The following ZNF140 variants were observed in gnomAD, a reference collection of about 807,000 sequenced individuals.
The protein encoded by ZNF140 is zinc finger protein 140, also known as zinc finger protein 140 (clone pHZ-39).
Under a neutral mutation model 12.9 loss-of-function variants are expected in ZNF140, and 13 were observed. The ratio of observed to expected loss-of-function variants is 1.01; its 90% confidence interval spans 0.66 to 1.60. The LOEUF is 1.60. Ranked by LOEUF, ZNF140 falls within the 40% of genes most tolerant of loss-of-function variation. ZNF140 has a pLI of 0.00. For missense variants in ZNF140, 531 were observed against 548.8 expected, an observed-to-expected ratio of 0.97 and a Z score of 0.32; for synonymous variants, 214 against 186.7, an observed-to-expected ratio of 1.15 and a Z score of -1.19.
Position 133,106,511 on chromosome 12 carries a change from C to G in ZNF140, c.1234C>G (p.Pro412Ala), listed in dbSNP as rs535199777. Residue 412 changes from proline to alanine, a missense_variant, in exon 5 of 5, where the codon CCC becomes GCC. Pro to Ala is a conservative substitution (Grantham distance 27, BLOSUM62 -1). Coordinates refer to ENST00000355557, the MANE Select transcript of ZNF140 (RefSeq NM_003440.4). ...TCAGAGAACTCATACTGGAGAGAAACCCTATGTATGTAAGGTATGCAACAA... is the reference window on the plus strand; with the variant it reads ...TCAGAGAACTCATACTGGAGAGAAAGCCTATGTATGTAAGGTATGCAACAA... ...LHQRTHTGEK[P>A]YVCKVCNKSF... The G allele has an allele frequency of 1.2e-6, 2 of 1,614,072 alleles. No homozygotes were observed. Among genetic ancestry groups the G allele is most frequent in the East Asian group, 4.5e-5 (2 of 44,884 alleles).
chr12:133,100,944 T>C, intron 4 of ZNF140: 1 of 451,238 alleles, frequency 2.2e-6, no homozygotes, highest in South Asian at 1.6e-5. Flanking sequence ...ACATGAATTA[T>C]TTCTGGAATT....
intron 4 of ZNF140, among the ~76,000 whole-genome samples, chr12:133,099,730 A>C (rs1955267256): frequency 6.6e-6 from 1 of 152,146 alleles, no homozygotes. Flanking sequence ...ATTTCTTCTT[A>C]AATGCTATTC....
At position 133,106,833 on chromosome 12, in the gene ZNF140, T is replaced by C; in HGVS notation, c.*182T>C. On this transcript the variant is annotated 3_prime_UTR_variant, in exon 5 of 5. Coordinates refer to ENST00000355557, the MANE Select transcript of ZNF140 (RefSeq NM_003440.4). ...ACCCAGGAATATGTGGAAAAGCCATTAATAACCACTCTTTTATTTTTTTGC... is the reference window on the plus strand; with the variant it reads ...ACCCAGGAATATGTGGAAAAGCCATCAATAACCACTCTTTTATTTTTTTGC... 2.1e-6 allele frequency: 1 copy of C among 477,926 alleles called. No individual in the cohort carries two copies. The highest frequency in any genetic ancestry group is 3.3e-5 in the East Asian group (1 of 30,080). The allele number at this position is 477,926 out of a possible 1,614,324, so 29.6% of individuals were successfully genotyped here. A position where few individuals can be genotyped will look rare whatever the true frequency, so the allele number is the denominator to read the frequency against.
chr12:133,088,962 C>G (rs1168903080), intron 4 of ZNF140, among the ~76,000 whole-genome samples: 1 of 152,098 alleles, frequency 6.6e-6, no homozygotes, highest in Non-Finnish European at 1.5e-5. Context: ...ATTAAATTTA[C>G]TAGTATTTTG....
At chr12:133,103,949 CATCTTG>C (rs1483782320) in intron 4 of ZNF140, among the ~76,000 whole-genome samples, 1 of 152,168 alleles carries the variant, frequency 6.6e-6, no homozygotes, top group Non-Finnish European at 1.5e-5. Flanking sequence ...ACTGCCTCCC[CATCTTG>C]ATCTTTCATG....
intron 4 of ZNF140, among the ~76,000 whole-genome samples, chr12:133,089,295 C>T (rs1954777428): frequency 6.6e-6 from 1 of 151,980 alleles, no homozygotes. Flanking sequence ...TCACTGCAGC[C>T]TCAACTTCCC....
At chr12:133,096,411 G>A (rs895752942) in intron 4 of ZNF140, among the ~76,000 whole-genome samples, 2 of 152,134 alleles carry the variant, frequency 1.3e-5, no homozygotes, top group Non-Finnish European at 2.9e-5. Context: ...TTTCAAAATG[G>A]AGTCTCTTAT....
At chr12:133,084,214 A>G (rs762918057) in intron 4 of ZNF140, 20 of 412,396 alleles carry the variant, frequency 4.8e-5, no homozygotes, top group Non-Finnish European at 7.9e-5. Flanking sequence ...ATACATTTCT[A>G]TTGCCTGAAT....
intron 4 of ZNF140, among the ~76,000 whole-genome samples, chr12:133,103,013 AC>A (rs954791276): frequency 1.3e-5 from 2 of 152,086 alleles, no homozygotes; most frequent in African/African-American, 4.8e-5. Flanking sequence ...TGTGCAATTA[AC>A]CCCATTTTTT....
At chr12:133,097,925 C>G (rs924079634) in intron 4 of ZNF140, among the ~76,000 whole-genome samples, 12 of 151,944 alleles carry the variant, frequency 7.9e-5, no homozygotes, top group African/African-American at 2.7e-4. Context: ...CGACCTCCCC[C>G]TCCTGGGTTC....
chr12:133,098,864 G>C (rs1955230779), intron 4 of ZNF140, among the ~76,000 whole-genome samples: 1 of 150,236 alleles, frequency 6.7e-6, no homozygotes, highest in Non-Finnish European at 1.5e-5. Context: ...CACCATGCCT[G>C]GCTAATTTTT....
At chr12:133,097,818 C>CGTGTGTGTGTGTGTGTGT (rs1377287336) in intron 4 of ZNF140, among the ~76,000 whole-genome samples, 2,092 of 106,512 alleles carry the variant, frequency 0.02, 38 homozygotes, top group Middle Eastern at 0.031. Flanking sequence ...CACATCTAAC[C>CGTGTGTGTGTGTGTGTGT]ATGTGTGTGT....
At chr12:133,103,455 CAG>C (rs1305784830) in intron 4 of ZNF140, among the ~76,000 whole-genome samples, 4 of 146,710 alleles carry the variant, frequency 2.7e-5, no homozygotes, top group African/African-American at 1.0e-4. Context: ...TGGGTAAAGA[CAG>C]GGGTCTCACT....
chr12:133,101,158 C>CT, intron 4 of ZNF140: 1 of 249,694 alleles, frequency 4.0e-6, no homozygotes, highest in Non-Finnish European at 8.2e-6. Flanking sequence ...CGAGAGGGCA[C>CT]TTACCTTGCT....
At chr12:133,085,080 G>A (rs1033548679) in intron 4 of ZNF140, among the ~76,000 whole-genome samples, 114 of 151,542 alleles carry the variant, frequency 7.5e-4, no homozygotes, top group Middle Eastern at 3.4e-3. Flanking sequence ...GCTGGAGTGC[G>A]ATGGCGCGAT....
Position 133,106,173 on chromosome 12 carries a change from A to C in ZNF140, c.896A>C (p.Lys299Thr), listed in dbSNP as rs1955585900. ...CACCAGATTACACATACTGGAGAGA[A>C]ACCTTATGAATGCATTGAATGTGGG... ...IRHQITHTGEKPYECIECGKA... is the reference protein window; with the variant it reads ...IRHQITHTGETPYECIECGKA... Residue 299 changes from lysine (K) to threonine (T), a missense_variant, in exon 5 of 5, where the codon AAA becomes ACA. By Grantham distance (78) the Lys-to-Thr change is moderately conservative (BLOSUM62 -1). Transcript: ENST00000355557. The C allele has an allele frequency of 6.2e-7, 1 of 1,614,214 alleles. No homozygotes were observed. Among genetic ancestry groups the C allele is most frequent in the Non-Finnish European group, 8.5e-7 (1 of 1,180,028 alleles).
intron 4 of ZNF140, among the ~76,000 whole-genome samples, chr12:133,097,605 T>C (rs1184529834): frequency 1.3e-5 from 2 of 149,994 alleles, no homozygotes; most frequent in Non-Finnish European, 3.0e-5. Flanking sequence ...ATCACACCAC[T>C]GCACTCCAGC....
intron 2 of ZNF140, chr12:133,081,921 C>T (rs1356919855): frequency 1.2e-5 from 2 of 160,200 alleles, no homozygotes; most frequent in East Asian, 1.9e-4. Context: ...CTACCCCAGA[C>T]CTTCTGAATC....
At position 133,106,039 on chromosome 12, in the gene ZNF140, T is replaced by C. The variant is rs962773092; in HGVS notation, c.762T>C (p.Phe254=). 11 of 1,614,016 alleles carry C rather than the reference T, an allele frequency of 6.8e-6. No individual in the cohort carries two copies. Among genetic ancestry groups the C allele is most frequent in the African/African-American group, 5.3e-5 (4 of 74,904 alleles). The change falls in exon 5 of 5, where the codon TTT becomes TTC. Residue 254 remains phenylalanine, a synonymous_variant. Transcript: ENST00000355557. ...PYECTECGKA[F]SRASNLTRHQ... is the part of the protein sequence containing the mutation. ...AATGTACTGAGTGTGGAAAGGCCTT[T>C]AGCCGTGCCTCCAACCTCACTCGAC...
Sources: gnomAD v4.1 joint callset for allele counts (sites outside exome capture counted in the v4.1 genomes callset) on GRCh38, gnomAD v4.1.1 for gene constraint, MANE v1.5 for transcripts, NCBI Gene and HGNC (gene_info 2026-07-23, HGNC 2026-07-21) for gene names.